CYRIB: variants seen among roughly 807,000 people sequenced by gnomAD.
The protein encoded by CYRIB is CYFIP-related Rac1 interactor B.
CYRIB carries 8 observed loss-of-function variants against 44.2 expected under a neutral mutation model. The ratio of observed to expected loss-of-function variants is 0.18; its 90% CI spans 0.11 to 0.33. The LOEUF (loss-of-function observed/expected upper bound fraction) is 0.33. CYRIB is among the 10% of genes least tolerant of loss of function. The probability of loss-of-function intolerance (pLI) is 1.00; values close to 1 mark genes in which losing one functional copy is unlikely to be tolerated. For synonymous variants in CYRIB, 131 were observed against 127.2 expected (o/e 1.03, Z -0.20); for missense variants, 185 against 382.8 (o/e 0.48, Z 4.31).
At chr8:129,942,254 G>A (rs949451975), upstream of CYRIB, among the ~76,000 whole-genome samples, 1 of 152,154 alleles carries the variant, frequency 6.6e-6, no homozygotes, top group Non-Finnish European at 1.5e-5. Context: ...CAGGAGAATC[G>A]CTTGAACCCA....
chr8:129,854,115 T>C (rs1037333575), intron 7 of CYRIB, 151 bp downstream of exon 9: 2 of 642,530 alleles, frequency 3.1e-6, no homozygotes, highest in Non-Finnish European at 5.4e-6. Context: ...TTTGTTACAG[T>C]TTGCTTTTCC....
chr8:129,998,119 C>CAAA (rs34658935), intron 1 of CYRIB, among the ~76,000 whole-genome samples: 4 of 93,134 alleles, frequency 4.3e-5, no homozygotes, highest in African/African-American at 7.7e-5. Flanking sequence ...GACTCTGTCT[C>CAAA]AAAAAAAAAA....
chr8:129,976,245 A>G (rs1347971077), intron 1 of CYRIB, among the ~76,000 whole-genome samples: 3 of 152,164 alleles, frequency 2.0e-5, no homozygotes, highest in African/African-American at 7.2e-5. Context: ...CTGTTCAATT[A>G]CAAGAGCTCT....
At chr8:129,912,121 A>T (rs2078351141) in intron 1 of CYRIB, among the ~76,000 whole-genome samples, 1 of 152,174 alleles carries the variant, frequency 6.6e-6, no homozygotes. Flanking sequence ...ACCCCCTTAT[A>T]ACATTTACAC....
At chr8:129,842,512 C>A (rs932018921) in intron 11 of CYRIB, among the ~76,000 whole-genome samples, 2 of 152,206 alleles carry the variant, frequency 1.3e-5, no homozygotes, top group African/African-American at 4.8e-5. Context: ...GCTGTTCTAT[C>A]CCAGAGGCTG....
At chr8:129,846,623 T>C (rs564625402) in intron 11 of CYRIB, among the ~76,000 whole-genome samples, 181 bp downstream of exon 13, 9 of 152,340 alleles carry the variant, frequency 5.9e-5, no homozygotes, top group African/African-American at 2.2e-4. Context: ...TTCCTCATCA[T>C]AAAATACCGT....
intron 1 of CYRIB, among the ~76,000 whole-genome samples, chr8:130,013,634 G>A (rs567058882): frequency 5.9e-5 from 9 of 152,268 alleles, no homozygotes; most frequent in East Asian, 1.9e-4. Flanking sequence ...TTCAATTAAC[G>A]AGATGGCAGT....
intron 1 of CYRIB, among the ~76,000 whole-genome samples, chr8:129,988,765 T>G (rs2096547545): frequency 6.6e-6 from 1 of 152,106 alleles, no homozygotes; most frequent in Admixed American, 6.6e-5. Flanking sequence ...TTATGTAAAT[T>G]ATGGCGGGTG....
intron 1 of CYRIB, among the ~76,000 whole-genome samples, chr8:129,998,127 AAAAAAAAAAAAC>A (rs1300721074): frequency 2.8e-4 from 41 of 147,628 alleles, no homozygotes; most frequent in African/African-American, 9.7e-4. Flanking sequence ...CTCAAAAAAA[AAAAAAAAAAAAC>A]AAAAAAAACA....
At chr8:129,849,539 G>A in intron 9 of CYRIB, 170 bp from the exon 12 acceptor site, 2 of 568,328 alleles carry the variant, frequency 3.5e-6, no homozygotes, top group Non-Finnish European at 5.6e-6. Context: ...TCTTATGTCT[G>A]TTTTCCTTTC....
chr8:129,979,104 G>A (rs941855437), intron 1 of CYRIB, among the ~76,000 whole-genome samples: 14 of 152,106 alleles, frequency 9.2e-5, no homozygotes, highest in African/African-American at 3.4e-4. Flanking sequence ...TCGTGACACT[G>A]CACTCCAGCC....
At chr8:129,983,146 T>TA (rs1326589534) in intron 1 of CYRIB, among the ~76,000 whole-genome samples, 1 of 152,014 alleles carries the variant, frequency 6.6e-6, no homozygotes, top group Non-Finnish European at 1.5e-5. Context: ...CTCTCTCTAT[T>TA]AAAAAACATA....
At chr8:129,871,966 G>A (rs1268397268) in intron 3 of CYRIB, among the ~76,000 whole-genome samples, 1 of 151,990 alleles carries the variant, frequency 6.6e-6, no homozygotes, top group Non-Finnish European at 1.5e-5. Context: ...TACTTTTAAT[G>A]ACTGAGTTTT....
chr8:129,860,758 T>C (rs766180418), intron 5 of CYRIB, among the ~76,000 whole-genome samples: 1 of 151,952 alleles, frequency 6.6e-6, no homozygotes, highest in Admixed American at 6.5e-5. Flanking sequence ...TAAAAACTTA[T>C]TACAAACTAG....
At position 129,905,636 on chromosome 8, in the gene CYRIB, A is replaced by G. The variant is rs577639923; in HGVS notation, c.-49-2286T>C. On this transcript the variant is annotated intron_variant, in intron 1 of 11. Coordinates refer to ENST00000519824, the Ensembl canonical transcript of CYRIB. ...AACACTTTTTTTGCTTTTTCTGCCG[A>G]AGATAAAACTTCCTTCCCTAAGGCC... is the stretch of plus-strand genomic sequence containing the variant. 2.6e-5 allele frequency among the ~76,000 whole-genome samples: 4 copies of G among 152,286 alleles called. No homozygotes were observed. In the East Asian group the frequency reaches 7.7e-4, roughly 29 times the overall value.
At chr8:129,978,127 C>T (rs529224222) in intron 1 of CYRIB, among the ~76,000 whole-genome samples, 18 of 151,956 alleles carry the variant, frequency 1.2e-4, no homozygotes, top group Admixed American at 3.3e-4. Flanking sequence ...GCTATGTGCC[C>T]AGGTCAATCT....
At chr8:129,860,631 C>CT (rs1017117717) in intron 5 of CYRIB, among the ~76,000 whole-genome samples, 6 of 151,886 alleles carry the variant, frequency 4.0e-5, no homozygotes, top group South Asian at 2.1e-4. Flanking sequence ...AACTGTCTTA[C>CT]TTTTTTTTAA....
intron 2 of CYRIB, chr8:129,902,906 CAGAT>C (rs1246624900): frequency 3.3e-5 from 5 of 152,180 alleles, no homozygotes; most frequent in South Asian, 2.1e-4. Context: ...AAACCAGTAA[CAGAT>C]AGAATTCTTA....
intron 2 of CYRIB, among the ~76,000 whole-genome samples, chr8:129,968,478 T>C (rs1218533314): frequency 6.6e-6 from 1 of 152,238 alleles, no homozygotes; most frequent in African/African-American, 2.4e-5. Flanking sequence ...TATAGTCTCT[T>C]ATAAATGGTT....
Sources: allele counts gnomAD v4.1 joint callset (sites outside exome capture counted in the v4.1 genomes callset), GRCh38; gene constraint gnomAD v4.1.1; transcripts MANE v1.5; gene names NCBI Gene and HGNC (gene_info 2026-07-23, HGNC 2026-07-21).